TSPAN32: variants seen among roughly 807,000 people sequenced by gnomAD.
TSPAN32 encodes tetraspanin-32.
A neutral mutation model predicts 42.7 loss-of-function variants in TSPAN32; 47 were observed. The observed-to-expected ratio is 1.10, with a 90% CI of 0.87 to 1.40. The LOEUF (loss-of-function observed/expected upper bound fraction) is 1.40, where lower values mean the gene tolerates loss of function less well. Ranked by LOEUF, TSPAN32 falls within the 40% of genes most tolerant of loss-of-function variation. The pLI, the probability that TSPAN32 is intolerant of heterozygous loss-of-function variation, is 0.00. For synonymous variants in TSPAN32, 175 were observed against 175.9 expected (o/e 0.99, Z 0.04); for missense variants, 469 against 424.1 (o/e 1.11, Z -0.93).
At chr11:2,316,143 C>A (rs1848775196) in intron 6 of TSPAN32, 86 bp from the exon 7 acceptor site, 1 of 1,516,978 alleles carries the variant, frequency 6.6e-7, no homozygotes, top group African/African-American at 1.4e-5. Context: ...TAGGTGGGCG[C>A]TGCAGCTCCA....
Position 2,313,084 on chromosome 11 carries a change from AC to A in TSPAN32, c.355-565del, listed in dbSNP as rs1379610313. Among the ~76,000 whole-genome samples the A allele has an allele frequency of 6.6e-6, 1 of 151,672 alleles. No individual in the cohort carries two copies. ...GGCCCCGTCACCTTCCACCTTCTTC[AC>A]CCCCTGCCCCACAGTGGCCTCGTCC... On this transcript the variant is annotated intron_variant, in intron 4 of 9. Transcript: ENST00000182290. This position sits in a 1 kb window ranked among gnomAD's most constrained non-coding sequence, Gnocchi z 9.1.
rs529528982 is a variant in TSPAN32 at position 2,308,235 on chromosome 11, G to A, written c.280-501G>A. ...AGGTGCTATGGAACCCACGCACCCA[G>A]CGCCCACGCTCTCCCCAGGCCAAGT... On this transcript the variant is annotated intron_variant, in intron 3 of 9. Transcript: ENST00000182290. 1.2e-4 allele frequency among the ~76,000 whole-genome samples: 18 copies of A among 152,126 alleles called. 1 individual carries two copies. The highest frequency in any genetic ancestry group is 1.2e-3 in the Admixed American group (18 of 15,288).
chr11:2,303,415 C>T (rs1241725525), intron 2 of TSPAN32: 2 of 205,448 alleles, frequency 9.7e-6, no homozygotes, highest in African/African-American at 2.4e-5. Flanking sequence ...TGCAGGGACT[C>T]AGCAGCGACT....
intron 5 of TSPAN32, 38 bp from the exon 6 acceptor site, chr11:2,314,447 G>A (rs746032892): frequency 3.0e-5 from 47 of 1,558,458 alleles, no homozygotes; most frequent in South Asian, 1.4e-4. Flanking sequence ...CTGGGGTCTC[G>A]GGAGCACATC....
rs569099057 is a variant in TSPAN32 at position 2,313,432 on chromosome 11, G to A, written c.355-222G>A. Among the ~76,000 whole-genome samples the A allele has an allele frequency of 5.9e-5, 9 of 152,322 alleles. No homozygotes were observed. In the South Asian group the frequency reaches 8.3e-4, roughly 14 times the overall value. On this transcript the variant is annotated intron_variant, in intron 4 of 9. Coordinates refer to ENST00000182290, the MANE Select transcript of TSPAN32 (RefSeq NM_139022.3). This position sits in a 1 kb window ranked among gnomAD's most constrained non-coding sequence, Gnocchi z 9.1. ...CTGGGGGCAGGAGGGCCACTCTGAC[G>A]GCCATTGTGTGAAGGCCCCATCGTT...
Position 2,317,347 on chromosome 11 carries a change from ATG to A in TSPAN32, c.726_727del (p.Cys242TrpfsTer36). ...KGKYTLTPRA[C>X]GRQPQEPSLL... is the part of the protein sequence containing the mutation. Reference sequence around the variant, plus strand: ...CCATGATCCCCTTGCTCCTCAGAGCATGTGGCCGCCAGCCCCAGGAGCCCAGC... The same window carrying A: ...CCATGATCCCCTTGCTCCTCAGAGCATGGCCGCCAGCCCCAGGAGCCCAGC... On this transcript the variant is annotated frameshift_variant, in exon 9 of 10. Transcript: ENST00000182290. LOFTEE classifies it high-confidence loss of function. This position sits in a 1 kb window ranked among gnomAD's most constrained non-coding sequence, Gnocchi z 6.2. 1 of 1,588,236 alleles carries A rather than the reference ATG, an allele frequency of 6.3e-7. No individual in the cohort carries two copies. The highest frequency in any genetic ancestry group is 8.6e-7 in the Non-Finnish European group (1 of 1,167,506).
At position 2,313,602 on chromosome 11, in the gene TSPAN32, G is replaced by A; in HGVS notation, c.355-52G>A. ...TGGGATGTCGTGGGGAGGGGGCTGT[G>A]TCCCCGGATCTCCCACCAGGGCCAG... On this transcript the variant is annotated intron_variant, in intron 4 of 9. Coordinates refer to ENST00000182290, the MANE Select transcript of TSPAN32 (RefSeq NM_139022.3). This position sits in a 1 kb window ranked among gnomAD's most constrained non-coding sequence, Gnocchi z 9.1. 1 of 1,452,870 alleles carries A rather than the reference G, an allele frequency of 6.9e-7. No homozygotes were observed. 90.0% of individuals were successfully genotyped at this position (1,452,870 alleles called of 1,614,324 possible). A position where few individuals can be genotyped will look rare whatever the true frequency, so the allele number is the denominator to read the frequency against.
rs947678167 is a variant in TSPAN32 at position 2,302,725 on chromosome 11, G to A, written c.67-119G>A. 2.2e-5 allele frequency: 17 copies of A among 780,358 alleles called. No homozygotes were observed. The East Asian group carries it at 3.8e-4, about 17-fold the overall frequency. 48.3% of individuals were successfully genotyped at this position (780,358 alleles called of 1,614,324 possible). A position where few individuals can be genotyped will look rare whatever the true frequency, so the allele number is the denominator to read the frequency against. On this transcript the variant is annotated intron_variant, in intron 1 of 9. Coordinates refer to ENST00000182290, the MANE Select transcript of TSPAN32 (RefSeq NM_139022.3). The stretch of plus-strand genomic sequence containing the variant: ...GGAAACACCGGGAATCCCTGCAGCT[G>A]AGCCTGTCTCTCACGGGACCGGGAA...
chr11:2,314,662 C>T, intron 6 of TSPAN32, 91 bp downstream of exon 6: 2 of 1,062,544 alleles, frequency 1.9e-6, no homozygotes. Context: ...CATCCTCCCA[C>T]CCCACCCCTT....
At chr11:2,311,572 C>A (rs552845486) in intron 4 of TSPAN32, among the ~76,000 whole-genome samples, 17 of 152,282 alleles carry the variant, frequency 1.1e-4, no homozygotes, top group Middle Eastern at 3.4e-3. Context: ...CAGGCCAGAG[C>A]CAGCTCTGTA....
chr11:2,304,064 G>C lies in TSPAN32; in HGVS notation c.182-43G>C, dbSNP rs373731340. 2.7e-6 allele frequency: 4 copies of C among 1,492,536 alleles called. No individual in the cohort carries two copies. In the South Asian group the frequency reaches 4.8e-5, roughly 18 times the overall value. 92.5% of individuals were successfully genotyped at this position (1,492,536 alleles called of 1,614,324 possible). On this transcript the variant is annotated intron_variant, in intron 2 of 9. Coordinates refer to ENST00000182290, the MANE Select transcript of TSPAN32 (RefSeq NM_139022.3). This position sits in a 1 kb window ranked among gnomAD's most constrained non-coding sequence, Gnocchi z 4.8. ...CCCAGGCTGTGTGCACTCAGGACCT[G>C]TCCTGGGCACCCCTAACCCTCCTCC...
intron 6 of TSPAN32, chr11:2,315,609 C>T: frequency 8.5e-7 from 1 of 1,181,194 alleles, no homozygotes; most frequent in African/African-American, 1.6e-5. Context: ...GGCAGACCTG[C>T]CTGCGGGGGA....
chr11:2,314,259 T>C (rs144196833), intron 5 of TSPAN32, among the ~76,000 whole-genome samples: 1,526 of 152,192 alleles, frequency 0.01, 15 homozygotes, highest in Non-Finnish European at 0.013. Flanking sequence ...GCAGGTGTTC[T>C]GTCACCAGCA....
Position 2,317,789 on chromosome 11 carries a change from A to G in TSPAN32, c.902-74A>G, listed in dbSNP as rs943809878. The G allele has an allele frequency of 1.8e-5, 29 of 1,586,636 alleles. No homozygotes were observed. The highest frequency in any genetic ancestry group is 5.4e-5 in the Admixed American group (3 of 55,056). ...AGGGCTCCACCCAGACACAAGCTGC[A>G]CTGGTTTTCTATGCTGCGTAAGAAG... On this transcript the variant is annotated intron_variant, in intron 9 of 9. Coordinates refer to ENST00000182290, the MANE Select transcript of TSPAN32 (RefSeq NM_139022.3). The surrounding 1 kb of genome is among the most constrained non-coding windows in gnomAD (Gnocchi z 6.2).
chr11:2,315,185 C>T, intron 6 of TSPAN32: 1 of 1,056,816 alleles, frequency 9.5e-7, no homozygotes, highest in Non-Finnish European at 1.2e-6. Flanking sequence ...TGCCCCCTCC[C>T]TGCTCCCCTC....
chr11:2,317,923 G>T lies in TSPAN32; in HGVS notation c.962G>T (p.Ter321LeuextTer26), dbSNP rs764042275. 24 of 1,049,880 alleles carry T rather than the reference G, an allele frequency of 2.3e-5. 1 individual carries two copies. In the South Asian group the frequency reaches 2.9e-4, roughly 13 times the overall value. The allele number at this position is 1,049,880 out of a possible 1,614,324, so 65.0% of individuals were successfully genotyped here. Residue 321 changes from the stop codon to leucine, a stop_lost, in exon 10 of 10, where the codon TGA becomes TTA. Coordinates refer to ENST00000182290, the MANE Select transcript of TSPAN32 (RefSeq NM_139022.3). The surrounding 1 kb of genome is among the most constrained non-coding windows in gnomAD (Gnocchi z 6.2). ...SGCPERGLSD[*>L] ...TGCCCTGAGCGGGGTCTCTCAGACT[G>T]ACGTCAGGCCTTGGTGGGCTGCACT...
At chr11:2,314,011 A>T (rs1446692939) in intron 5 of TSPAN32, among the ~76,000 whole-genome samples, 1 of 152,048 alleles carries the variant, frequency 6.6e-6, no homozygotes, top group Non-Finnish European at 1.5e-5. Context: ...ACACTGAAGG[A>T]TTTCAAGAGC....
chr11:2,309,272 G>C (rs912011286), intron 4 of TSPAN32: 8 of 452,666 alleles, frequency 1.8e-5, no homozygotes, highest in Non-Finnish European at 3.3e-5. Flanking sequence ...AAGGGACCTG[G>C]AGACCCGCGG....
intron 3 of TSPAN32, among the ~76,000 whole-genome samples, chr11:2,305,259 G>C (rs955345215): frequency 1.3e-5 from 2 of 152,174 alleles, no homozygotes; most frequent in African/African-American, 4.8e-5. Context: ...CACTAGCCAG[G>C]ATTCCTGCTC....
Sources: allele counts gnomAD v4.1 joint callset (sites outside exome capture counted in the v4.1 genomes callset), GRCh38; gene constraint gnomAD v4.1.1; non-coding constraint Gnocchi (gnomAD v3.1); transcripts MANE v1.5; gene names NCBI Gene and HGNC (gene_info 2026-07-23, HGNC 2026-07-21).